Variants in LMOD1 observed in about 807,000 individuals in gnomAD.
LMOD1 encodes the protein leiomodin 1, also known as leiomodin-1.
LMOD1 carries 8 observed loss-of-function variants against 36.5 expected under a neutral mutation model. That is an observed-to-expected ratio of 0.22 (90% confidence interval 0.13 to 0.40). The LOEUF (loss-of-function observed/expected upper bound fraction) is 0.40. LMOD1 is among the 10% of genes least tolerant of loss of function. LMOD1 has a pLI of 1.00. For synonymous variants in LMOD1, 284 were observed against 288.7 expected (o/e 0.98, Z 0.17); for missense variants, 630 against 751.1 (o/e 0.84, Z 1.88).
intron 1 of LMOD1, among the ~76,000 whole-genome samples, chr1:201,933,344 G>A (rs916311139): frequency 4.0e-5 from 6 of 151,390 alleles, no homozygotes; most frequent in African/African-American, 1.5e-4. Flanking sequence ...AACCCGGAAG[G>A]TGGAGGTTGC....
chr1:201,939,152 T>TTTA (rs199619542), intron 1 of LMOD1, among the ~76,000 whole-genome samples: 25 of 149,464 alleles, frequency 1.7e-4, no homozygotes, highest in East Asian at 1.2e-3. Context: ...TTTTTTTTTT[T>TTTA]AATTTCGTGA....
chr1:201,909,681 T>C (rs1037467741), intron 1 of LMOD1, among the ~76,000 whole-genome samples: 16 of 152,144 alleles, frequency 1.1e-4, no homozygotes, highest in Admixed American at 6.5e-4. Context: ...TCCTAATACC[T>C]CACTTCTCCA....
intron 2 of LMOD1, among the ~76,000 whole-genome samples, chr1:201,898,670 G>A (rs957585456): frequency 5.9e-5 from 9 of 152,182 alleles, no homozygotes; most frequent in South Asian, 2.1e-4. Flanking sequence ...ACAAACGATC[G>A]TGGACTTTGT....
In LMOD1 at chr1:201,946,076, T is replaced by C. The variant is rs1226285314; in HGVS notation, c.261+4A>G. 1 of 1,612,436 alleles carries C rather than the reference T, an allele frequency of 6.2e-7. No homozygotes were observed. Among genetic ancestry groups the C allele is most frequent in the East Asian group, 2.2e-5 (1 of 44,844 alleles). On this transcript the variant is annotated splice_donor_region_variant and intron_variant, in intron 1 of 2. Coordinates refer to ENST00000367288, the MANE Select transcript of LMOD1 (RefSeq NM_012134.3). Reference sequence around the variant, plus strand: ...TCCTCCCCTCCAGGGCTGTGCTCACTCACATCCATGGACATCTCCCTCTGC... The same window carrying C: ...TCCTCCCCTCCAGGGCTGTGCTCACCCACATCCATGGACATCTCCCTCTGC...
Position 201,901,673 on chromosome 1 carries a change from TACAC to T in LMOD1, c.262-926_262-923del, listed in dbSNP as rs538020795. Among the ~76,000 whole-genome samples the T allele has an allele frequency of 3.0e-5, 3 of 98,832 alleles. 1 individual carries two copies. The highest frequency in any genetic ancestry group is 1.2e-4 in the African/African-American group (3 of 24,670). The allele number at this position is 98,832 out of a possible 152,430, so 64.8% of individuals were successfully genotyped here. On this transcript the variant is annotated intron_variant, in intron 1 of 2. Coordinates refer to ENST00000367288, the MANE Select transcript of LMOD1 (RefSeq NM_012134.3). Reference sequence around the variant, plus strand: ...ACATATATATGTGTATATATATATATACACATATATATATGTGTATATATATATA... The same window carrying T: ...ACATATATATGTGTATATATATATATATATATATATGTGTATATATATATA...
intron 1 of LMOD1, among the ~76,000 whole-genome samples, chr1:201,913,362 T>C (rs1000071324): frequency 2.0e-5 from 3 of 152,144 alleles, no homozygotes; most frequent in African/African-American, 7.2e-5. Flanking sequence ...TCCCGGCACT[T>C]TGGGAGGCCG....
chr1:201,914,480 G>T (rs1681567024), intron 1 of LMOD1, among the ~76,000 whole-genome samples: 1 of 152,048 alleles, frequency 6.6e-6, no homozygotes, highest in Admixed American at 6.6e-5. Flanking sequence ...ACTTCCTGTG[G>T]CTGCACAGGA....
chr1:201,921,487 C>CAAAAAAAAAAAAAAAAAAAAAAAAAA, intron 1 of LMOD1, among the ~76,000 whole-genome samples: 1 of 59,782 alleles, frequency 1.7e-5, no homozygotes, highest in Non-Finnish European at 3.0e-5. Flanking sequence ...GACTCCATCT[C>CAAAAAAAAAAAAAAAAAAAAAAAAAA]AAAAAAAAAA....
Position 201,946,429 on chromosome 1 carries a change from G to T in LMOD1, c.-89C>A, listed in dbSNP as rs894502741. On this transcript the variant is annotated 5_prime_UTR_variant, in exon 1 of 3. Coordinates refer to ENST00000367288, the MANE Select transcript of LMOD1 (RefSeq NM_012134.3). ...GGGTGAGCTGATCTGGATGCAGCGAGTGGGCTGAGGAGCAAACCTCCTGCT... is the reference window on the plus strand; with the variant it reads ...GGGTGAGCTGATCTGGATGCAGCGATTGGGCTGAGGAGCAAACCTCCTGCT... 3.4e-5 allele frequency: 47 copies of T among 1,395,164 alleles called. No homozygotes were observed. In the Middle Eastern group the frequency reaches 1.2e-3, roughly 37 times the overall value. 86.4% of individuals were successfully genotyped at this position (1,395,164 alleles called of 1,614,324 possible). A position where few individuals can be genotyped will look rare whatever the true frequency, so the allele number is the denominator to read the frequency against.
chr1:201,900,281 C>G lies in LMOD1; in HGVS notation c.732G>C (p.Gly244=). Residue 244 remains glycine (G), a synonymous_variant, in exon 2 of 3, where the codon GGG becomes GGC. Transcript: ENST00000367288. ...CATCCTCCTTTTTCATGTCTGTGTTCCCACCTGCTCTTTTCATCTTCTCAC... is the reference window on the plus strand; with the variant it reads ...CATCCTCCTTTTTCATGTCTGTGTTGCCACCTGCTCTTTTCATCTTCTCAC... ...KEGEKMKRAG[G]NTDMKKEDEK... is the part of the protein sequence containing the mutation. 1 of 1,611,498 alleles carries G rather than the reference C, an allele frequency of 6.2e-7. No individual in the cohort carries two copies. Among genetic ancestry groups the G allele is most frequent in the Non-Finnish European group, 8.5e-7 (1 of 1,178,580 alleles).
At chr1:201,908,077 C>A (rs1179462713) in intron 1 of LMOD1, among the ~76,000 whole-genome samples, 5 of 152,284 alleles carry the variant, frequency 3.3e-5, no homozygotes, top group Non-Finnish European at 5.9e-5. Context: ...CAGCCTCCCC[C>A]AAAAGGCCAG....
At position 201,946,333 on chromosome 1, in the gene LMOD1, C is replaced by G. The variant is rs769131323; in HGVS notation, c.8G>C (p.Arg3Thr). The change falls in exon 1 of 3, where the codon AGA (arginine) becomes ACA (threonine). Residue 3 changes from arginine to threonine, a missense_variant. Transcript: ENST00000367288. MS[R>T]VAKYRRQVSE... ...CACCTGCCGGCGATATTTGGCTACT[C>G]TAGACATCTTGGCAAAATGGGCTGT... is the stretch of plus-strand genomic sequence containing the variant. The G allele has an allele frequency of 4.3e-6, 7 of 1,613,250 alleles. No individual in the cohort carries two copies. Among genetic ancestry groups the G allele is most frequent in the South Asian group, 3.3e-5 (3 of 91,054 alleles).
intron 1 of LMOD1, among the ~76,000 whole-genome samples, chr1:201,915,011 C>T (rs1681578831): frequency 6.6e-6 from 1 of 152,208 alleles, no homozygotes; most frequent in East Asian, 1.9e-4. Flanking sequence ...CTTGCCTCAC[C>T]CCCAACATTC....
chr1:201,935,380 C>T (rs1681999185), intron 1 of LMOD1, among the ~76,000 whole-genome samples: 1 of 136,774 alleles, frequency 7.3e-6, no homozygotes, highest in South Asian at 2.4e-4. Context: ...AACATTTCCC[C>T]TTGGGGGTCT....
At chr1:201,943,065 T>A (rs1363248143) in intron 1 of LMOD1, among the ~76,000 whole-genome samples, 2 of 152,204 alleles carry the variant, frequency 1.3e-5, no homozygotes, top group East Asian at 3.8e-4. Flanking sequence ...GATGAACATT[T>A]GACAGAAGAC....
intron 1 of LMOD1, among the ~76,000 whole-genome samples, chr1:201,907,974 G>A (rs991056736): frequency 9.2e-5 from 14 of 152,164 alleles, no homozygotes; most frequent in Admixed American, 8.5e-4. Context: ...GGGTGTTGAG[G>A]GCATGCCCCC....
chr1:201,909,494 C>T (rs995478953), intron 1 of LMOD1, among the ~76,000 whole-genome samples: 2 of 152,176 alleles, frequency 1.3e-5, no homozygotes, highest in Non-Finnish European at 2.9e-5. Flanking sequence ...AATCCTCCTG[C>T]CTTGGCCTCT....
At chr1:201,931,837 G>A (rs1681928355) in intron 1 of LMOD1, among the ~76,000 whole-genome samples, 1 of 152,028 alleles carries the variant, frequency 6.6e-6, no homozygotes, top group Non-Finnish European at 1.5e-5. Flanking sequence ...AGGAGGCAAG[G>A]TTGCAGTGAG....
chr1:201,938,288 C>G (rs1317326380), intron 1 of LMOD1, among the ~76,000 whole-genome samples: 6 of 152,144 alleles, frequency 3.9e-5, no homozygotes, highest in Non-Finnish European at 2.9e-5. Flanking sequence ...TGCCACCACG[C>G]CCGGCTAATT....
Sources: gnomAD v4.1 joint callset for allele counts (sites outside exome capture counted in the v4.1 genomes callset) on GRCh38, gnomAD v4.1.1 for gene constraint, MANE v1.5 for transcripts, NCBI Gene and HGNC (gene_info 2026-07-23, HGNC 2026-07-21) for gene names.